LYAR: variants seen among roughly 807,000 people sequenced by gnomAD.
LYAR encodes Ly1 antibody reactive, also known as cell growth-regulating nucleolar protein.
Under a neutral mutation model 45.2 loss-of-function variants are expected in LYAR, and 37 were observed. That is an observed-to-expected ratio of 0.82 (90% CI 0.63 to 1.08). The LOEUF (loss-of-function observed/expected upper bound fraction) is 1.08. Ranked by LOEUF, LYAR falls within the 50% of genes least tolerant of loss-of-function variation. The pLI is 0.00. For synonymous variants in LYAR, 176 were observed against 155.1 expected, an observed-to-expected ratio of 1.14 and a Z score of -1.00; for missense variants, 493 against 451.0, an observed-to-expected ratio of 1.09 and a Z score of -0.84.
At chr4:4,270,940 G>C (rs1355431163) in intron 8 of LYAR, among the ~76,000 whole-genome samples, 1 of 152,164 alleles carries the variant, frequency 6.6e-6, no homozygotes, top group East Asian at 1.9e-4. Flanking sequence ...TTTTGATACA[G>C]ACATGCAATG....
intron 2 of LYAR, among the ~76,000 whole-genome samples, chr4:4,285,355 T>C (rs575261861): frequency 6.6e-6 from 1 of 152,190 alleles, no homozygotes; most frequent in Non-Finnish European, 1.5e-5. Context: ...TGTGATATTG[T>C]CAAGCTCCTG....
intron 8 of LYAR, among the ~76,000 whole-genome samples, chr4:4,272,157 A>G (rs186904481): frequency 4.7e-4 from 72 of 152,318 alleles, no homozygotes; most frequent in African/African-American, 1.6e-3. Context: ...ATGGAAGCGT[A>G]TCCATGTCAA....
chr4:4,273,582 C>T lies in LYAR; in HGVS notation c.919+1G>A, dbSNP rs1308005743. ...CTCCTCAAATGACAGCAGTGATATA[C>T]CTTTTGCAGGAGCCTCATCGTCTTC... On this transcript the variant is annotated splice_donor_variant, in intron 8 of 9. Coordinates refer to ENST00000343470, the MANE Select transcript of LYAR (RefSeq NM_017816.3). LOFTEE classifies it high-confidence loss of function. 6.2e-7 allele frequency: 1 copy of T among 1,610,498 alleles called. No homozygotes were observed. The highest frequency in any genetic ancestry group is 8.5e-7 in the Non-Finnish European group (1 of 1,177,018).
chr4:4,270,875 T>C (rs1014760085), intron 8 of LYAR, among the ~76,000 whole-genome samples: 2 of 152,208 alleles, frequency 1.3e-5, no homozygotes, highest in East Asian at 1.9e-4. Flanking sequence ...TGACAGTTTT[T>C]TCCTTTTTAA....
intron 1 of LYAR, among the ~76,000 whole-genome samples, chr4:4,288,093 A>G (rs1201515796): frequency 2.0e-5 from 3 of 152,174 alleles, no homozygotes; most frequent in Non-Finnish European, 4.4e-5. Context: ...AAACTAAATG[A>G]CCTCAAAGCA....
At chr4:4,281,487 T>G (rs1449942283) in intron 4 of LYAR, among the ~76,000 whole-genome samples, 2 of 54,484 alleles carry the variant, frequency 3.7e-5, no homozygotes, top group Admixed American at 2.1e-4. Flanking sequence ...GCCCGGCTAA[T>G]TTTTTGTATT....
At chr4:4,281,752 G>A in intron 4 of LYAR, 31 bp downstream of exon 4, 1 of 1,497,738 alleles carries the variant, frequency 6.7e-7, no homozygotes, top group South Asian at 1.1e-5. Context: ...GCTGTCAGAG[G>A]AAGCTACTCA....
intron 6 of LYAR, among the ~76,000 whole-genome samples, chr4:4,276,702 C>A (rs971270930): frequency 4.6e-5 from 7 of 151,848 alleles, no homozygotes; most frequent in African/African-American, 1.5e-4. Context: ...ACTAAAAATA[C>A]AACAATTAGC....
At chr4:4,279,834 T>C (rs1241954934) in intron 4 of LYAR, 85 bp from the exon 5 acceptor site, 8 of 841,410 alleles carry the variant, frequency 9.5e-6, no homozygotes, top group Non-Finnish European at 1.5e-5. Flanking sequence ...GTCCTTGCCA[T>C]GGCTAAAGCG....
intron 7 of LYAR, among the ~76,000 whole-genome samples, chr4:4,274,144 G>C (rs1719071040): frequency 6.6e-6 from 1 of 152,026 alleles, no homozygotes; most frequent in Non-Finnish European, 1.5e-5. Context: ...GGCTGAGACA[G>C]AAGAATCGCT....
At chr4:4,273,451 C>A in intron 8 of LYAR, 132 bp downstream of exon 8, 1 of 625,918 alleles carries the variant, frequency 1.6e-6, no homozygotes, top group Non-Finnish European at 2.9e-6. Context: ...GAAAGTGGTA[C>A]GCCCATGGCT....
chr4:4,269,405 G>A (rs906090463), intron 8 of LYAR, among the ~76,000 whole-genome samples: 5 of 152,184 alleles, frequency 3.3e-5, no homozygotes, highest in South Asian at 2.1e-4. Context: ...AGCAAAAGCC[G>A]AGTGGCGAGC....
rs761527601 is a variant in LYAR, at chr4:4,267,932, G to C, written c.1097C>G (p.Pro366Arg). Reference protein sequence around the residue: ...VIFNKKISKNPTFKLLKDKVK... With the variant: ...VIFNKKISKNRTFKLLKDKVK... ...TTTGTCCTTTAATAACTTAAAGGTA[G>C]GGTTCTTGCTGATTTTCTTGTTAAA... is the stretch of plus-strand genomic sequence containing the variant. The change falls in exon 10 of 10, where the codon CCT becomes CGT. Residue 366 changes from proline (P) to arginine (R), a missense_variant. Coordinates refer to ENST00000343470, the MANE Select transcript of LYAR (RefSeq NM_017816.3). The C allele has an allele frequency of 1.9e-6, 3 of 1,612,826 alleles. No homozygotes were observed. The East Asian group carries it at 6.7e-5, about 36-fold the overall frequency.
chr4:4,287,142 C>A (rs774871531), intron 1 of LYAR, among the ~76,000 whole-genome samples: 27 of 152,312 alleles, frequency 1.8e-4, no homozygotes, highest in Non-Finnish European at 1.8e-4. Flanking sequence ...ATAGAGTCCT[C>A]TTTTCCTTCC....
At chr4:4,288,150 T>C (rs546758528) in intron 1 of LYAR, among the ~76,000 whole-genome samples, 50 of 152,302 alleles carry the variant, frequency 3.3e-4, no homozygotes, top group Non-Finnish European at 6.3e-4. Context: ...ATCTAATACC[T>C]AACTCAAAGC....
intron 3 of LYAR, among the ~76,000 whole-genome samples, chr4:4,282,913 T>C (rs1421288372): frequency 6.6e-6 from 1 of 152,170 alleles, no homozygotes; most frequent in Admixed American, 6.5e-5. Flanking sequence ...ATAAATTCAC[T>C]TTCTGGTTCA....
chr4:4,278,770 C>G (rs1255318480), intron 6 of LYAR, among the ~76,000 whole-genome samples: 1 of 152,100 alleles, frequency 6.6e-6, no homozygotes, highest in African/African-American at 2.4e-5. Flanking sequence ...GGCTCAGAGG[C>G]TAAATAATGT....
chr4:4,282,496 C>T (rs1719436719), intron 3 of LYAR, among the ~76,000 whole-genome samples: 1 of 152,098 alleles, frequency 6.6e-6, no homozygotes, highest in South Asian at 2.1e-4. Flanking sequence ...AAGCTTCCTC[C>T]TAGGATTACG....
At position 4,274,608 on chromosome 4, in the gene LYAR, C is replaced by T. The variant is rs1256991379; in HGVS notation, c.591G>A (p.Lys197=). 1 of 1,613,934 alleles carries T rather than the reference C, an allele frequency of 6.2e-7. No individual in the cohort carries two copies. The highest frequency in any genetic ancestry group is 8.5e-7 in the Non-Finnish European group (1 of 1,180,004). Residue 197 remains lysine, a synonymous_variant, in exon 7 of 10, where the codon AAG becomes AAA. Coordinates refer to ENST00000343470, the MANE Select transcript of LYAR (RefSeq NM_017816.3). ...GTTCTTTCTTTTCTCTTTTCCTTTT[C>T]TTCTGCCGTTCTTCCTTTCTTTCTC... The part of the protein sequence containing the change: ...NKRERKEERQ[K]KRKREKKELK...
Sources: gnomAD v4.1 joint callset for allele counts (sites outside exome capture counted in the v4.1 genomes callset) on GRCh38, gnomAD v4.1.1 for gene constraint, MANE v1.5 for transcripts, NCBI Gene and HGNC (gene_info 2026-07-23, HGNC 2026-07-21) for gene names.